Variants in RPL18 observed in about 807,000 individuals in gnomAD.
The protein encoded by RPL18 is large ribosomal subunit protein eL18.
In RPL18, 4 loss-of-function variants were observed where a neutral mutation model predicts 25.0. The ratio of observed to expected loss-of-function variants is 0.16; its 90% CI spans 0.08 to 0.37. The LOEUF (loss-of-function observed/expected upper bound fraction) is 0.37. Among genes scored for constraint, RPL18 ranks in the 10% least tolerant of loss-of-function variants. RPL18 has a pLI of 1.00. For synonymous variants in RPL18, 129 were observed against 101.6 expected (o/e 1.27, Z -1.62); for missense variants, 179 against 267.9 (o/e 0.67, Z 2.32).
intron 5 of RPL18, 31 bp from the exon 6 acceptor site, chr19:48,615,977 C>T: frequency 2.5e-6 from 4 of 1,613,894 alleles, no homozygotes; most frequent in Non-Finnish European, 3.4e-6. Context: ...CCGGGTGAGA[C>T]AGGGATCTGG....
At chr19:48,615,796 G>A (rs1242755961) in intron 6 of RPL18, 81 bp downstream of exon 6, 19 of 1,275,964 alleles carry the variant, frequency 1.5e-5, no homozygotes, top group Admixed American at 5.9e-5. Flanking sequence ...CGAGGGATAG[G>A]AGAAGCAGCC....
At chr19:48,619,005 A>C (rs1354288381) in intron 1 of RPL18, 136 bp downstream of exon 1, 5 of 895,378 alleles carry the variant, frequency 5.6e-6, no homozygotes, top group Non-Finnish European at 5.4e-6. Flanking sequence ...TGGCCCCCAG[A>C]GTAGGTCCCC....
At chr19:48,617,536 C>A in intron 2 of RPL18, 113 bp from the exon 3 acceptor site, 1 of 864,996 alleles carries the variant, frequency 1.2e-6, no homozygotes, top group Non-Finnish European at 1.8e-6. Flanking sequence ...TCCCTTTCCC[C>A]CAACCCACCG....
Position 48,617,057 on chromosome 19 carries a change from C to CA in RPL18, c.199-234dup, listed in dbSNP as rs1974198037. ...TCAGCAGAGCCTTTGACATAAAACT[C>CA]AGTTATGACTTGGGGCAATCTCCTG... On this transcript the variant is annotated intron_variant, in intron 3 of 6. Coordinates refer to ENST00000549920, the MANE Select transcript of RPL18 (RefSeq NM_000979.4). The CA allele has an allele frequency of 1.0e-5, 7 of 702,716 alleles. No individual in the cohort carries two copies. The East Asian group carries it at 1.9e-4, about 19-fold the overall frequency. 43.5% of individuals were successfully genotyped at this position (702,716 alleles called of 1,614,324 possible). A position where few individuals can be genotyped will look rare whatever the true frequency, so the allele number is the denominator to read the frequency against.
chr19:48,617,973 G>C (rs1292114260), intron 1 of RPL18, 96 bp from the exon 2 acceptor site: 1 of 915,186 alleles, frequency 1.1e-6, no homozygotes. Flanking sequence ...ACAAGCCCAG[G>C]TCTGAACACA....
At chr19:48,616,043 A>AGG in intron 5 of RPL18, 36 bp downstream of exon 5, 1 of 1,613,942 alleles carries the variant, frequency 6.2e-7, no homozygotes, top group Non-Finnish European at 8.5e-7. Flanking sequence ...GTAGCCACAC[A>AGG]GCTCAGTCCA....
chr19:48,615,574 G>T, intron 6 of RPL18, 127 bp from the exon 7 acceptor site: 2 of 820,794 alleles, frequency 2.4e-6, no homozygotes, highest in South Asian at 1.6e-5. Flanking sequence ...AAGCTTGGCA[G>T]AGTGGGAAGC....
At position 48,617,405 on chromosome 19, in the gene RPL18, T is replaced by C; in HGVS notation, c.109A>G (p.Arg37Gly). Residue 37 changes from arginine (R) to glycine (G), a missense_variant, in exon 3 of 7, where the codon AGA becomes GGA. Coordinates refer to ENST00000549920, the MANE Select transcript of RPL18 (RefSeq NM_000979.4). ...LLVKLYRFLA[R>G]RTNSTFNQVV... ...TGGTTGAATGTGGAGTTGGTTCTTCTGGCCAGAAACCTGTATAACTGGAGG... is the reference window on the plus strand; with the variant it reads ...TGGTTGAATGTGGAGTTGGTTCTTCCGGCCAGAAACCTGTATAACTGGAGG... The C allele has an allele frequency of 6.2e-7, 1 of 1,614,158 alleles. No individual in the cohort carries two copies.
intron 2 of RPL18, 119 bp from the exon 3 acceptor site, chr19:48,617,542 C>A: frequency 1.2e-6 from 1 of 835,448 alleles, no homozygotes; most frequent in South Asian, 1.6e-5. Flanking sequence ...TCCCCCAACC[C>A]ACCGACCTAG....
chr19:48,616,909 G>A, intron 3 of RPL18, 85 bp from the exon 4 acceptor site: 1 of 1,025,608 alleles, frequency 9.8e-7, no homozygotes, highest in South Asian at 1.3e-5. Context: ...CAGGGCAGCT[G>A]TGCCCTCTAA....
chr19:48,616,173 G>A lies in RPL18; in HGVS notation c.327C>T (p.Ala109=), dbSNP rs747758739. The change falls in exon 5 of 7, where the codon GCC becomes GCT. Residue 109 remains alanine (A), a synonymous_variant. Coordinates refer to ENST00000549920, the MANE Select transcript of RPL18 (RefSeq NM_000979.4). ...CCCCTGCCCTGAGGATGCGGCTGCG[G>A]GCCCGGCTGGTCACGCGCAGTGCAC... ...KVCALRVTSR[A]RSRILRAGGK... 2.5e-6 allele frequency: 4 copies of A among 1,613,870 alleles called. No individual in the cohort carries two copies. The highest frequency in any genetic ancestry group is 2.5e-6 in the Non-Finnish European group (3 of 1,180,026).
At chr19:48,616,005 C>G in intron 5 of RPL18, 59 bp from the exon 6 acceptor site, 1 of 1,613,526 alleles carries the variant, frequency 6.2e-7, no homozygotes. Context: ...CTTCTGGCCT[C>G]CCAGATCCAG....
chr19:48,616,499 C>G, intron 4 of RPL18: 1 of 698,684 alleles, frequency 1.4e-6, no homozygotes, highest in Non-Finnish European at 2.6e-6. Flanking sequence ...GGGGCCAGCA[C>G]TAACAGTTTA....
intron 6 of RPL18, 47 bp from the exon 7 acceptor site, chr19:48,615,494 C>T (rs367652503): frequency 3.0e-5 from 43 of 1,414,674 alleles, no homozygotes; most frequent in Non-Finnish European, 4.2e-5. Flanking sequence ...TAAAGGAGGC[C>T]ATTGTGGAGT....
At chr19:48,616,392 G>A in intron 4 of RPL18, 190 bp from the exon 5 acceptor site, 1 of 691,220 alleles carries the variant, frequency 1.4e-6, no homozygotes, top group East Asian at 2.7e-5. Context: ...CATCCCTGGT[G>A]TTATGCTAGA....
chr19:48,617,934 T>C (rs746777379), intron 1 of RPL18, 57 bp from the exon 2 acceptor site: 3 of 1,318,266 alleles, frequency 2.3e-6, no homozygotes, highest in East Asian at 2.3e-5. Context: ...AGCCAATTAT[T>C]ACTTATTTCT....
At chr19:48,616,270 C>T (rs770615016) in intron 4 of RPL18, 68 bp from the exon 5 acceptor site, 16 of 1,589,040 alleles carry the variant, frequency 1.0e-5, no homozygotes, top group Middle Eastern at 1.7e-4. Context: ...CAGGACTCAC[C>T]CTCCACTGCC....
intron 4 of RPL18, 29 bp from the exon 5 acceptor site, chr19:48,616,231 A>G (rs780399859): frequency 8.7e-6 from 14 of 1,611,278 alleles, no homozygotes; most frequent in Non-Finnish European, 1.2e-5. Context: ...CTGGCGGGTC[A>G]GACCCCTGCG....
At chr19:48,615,617 C>T in intron 6 of RPL18, 170 bp from the exon 7 acceptor site, 2 of 666,874 alleles carry the variant, frequency 3.0e-6, no homozygotes. Flanking sequence ...GAAGCACCTG[C>T]CCCACCACCT....
Sources: allele counts gnomAD v4.1 joint callset, GRCh38; gene constraint gnomAD v4.1.1; transcripts MANE v1.5; gene names NCBI Gene and HGNC (gene_info 2026-07-23, HGNC 2026-07-21).